Variants in BTNL3 observed in about 807,000 individuals in gnomAD.
BTNL3 encodes butyrophilin like 3, also known as butyrophilin-like protein 3.
BTNL3 carries 20 observed loss-of-function variants against 40.1 expected under a neutral mutation model. The ratio of observed to expected loss-of-function variants is 0.50; its 90% CI spans 0.35 to 0.72. The LOEUF (loss-of-function observed/expected upper bound fraction) is 0.72. Ranked by LOEUF, BTNL3 falls within the 30% of genes least tolerant of loss-of-function variation. The pLI is 0.01. For missense variants in BTNL3, 449 were observed against 582.2 expected, an observed-to-expected ratio of 0.77 and a Z score of 2.35; for synonymous variants, 179 against 222.1, an observed-to-expected ratio of 0.81 and a Z score of 1.73.
At chr5:180,993,306 G>C in intron 2 of BTNL3, 146 bp downstream of exon 2, 1 of 1,236,724 alleles carries the variant, frequency 8.1e-7, no homozygotes, top group South Asian at 1.5e-5. Flanking sequence ...ACTGACCTGA[G>C]GTTTCTGGAG....
rs145703450 is a variant in BTNL3, at chr5:180,995,710, C to G, written c.398-1503C>G. Reference sequence around the variant, plus strand: ...TGGGGCTTATGATCAATTCTTTTGCCAGCACCACTTTGTATATCATGTATT... The same window carrying G: ...TGGGGCTTATGATCAATTCTTTTGCGAGCACCACTTTGTATATCATGTATT... On this transcript the variant is annotated intron_variant, in intron 2 of 7. Coordinates refer to ENST00000342868, the MANE Select transcript of BTNL3 (RefSeq NM_197975.3). 1.4e-3 allele frequency among the ~76,000 whole-genome samples: 192 copies of G among 136,154 alleles called. 46 individuals are homozygous for G. The highest frequency in any genetic ancestry group is 2.6e-3 in the Non-Finnish European group (155 of 59,600). The allele number at this position is 136,154 out of a possible 152,430, so 89.3% of individuals were successfully genotyped here.
At position 181,002,702 on chromosome 5, in the gene BTNL3, T is replaced by A; in HGVS notation, c.704T>A (p.Leu235Gln). 1.4e-6 allele frequency: 2 copies of A among 1,456,028 alleles called. No individual in the cohort carries two copies. Among genetic ancestry groups the A allele is most frequent in the Non-Finnish European group, 1.9e-6 (2 of 1,055,414 alleles). 90.2% of individuals were successfully genotyped at this position (1,456,028 alleles called of 1,614,324 possible). Reference sequence around the variant, plus strand: ...TTTTTCCAGCCCTCACCTTGGCGCCTGGCTTCTATTTTACTCGGGTTACTC... The same window carrying A: ...TTTTTCCAGCCCTCACCTTGGCGCCAGGCTTCTATTTTACTCGGGTTACTC... ...ETFFQPSPWR[L>Q]ASILLGLLCG... is the part of the protein sequence containing the mutation. Residue 235 changes from leucine to glutamine, a missense_variant, in exon 4 of 8, where the codon CTG becomes CAG. Physicochemically the swap from Leu to Gln is moderately radical, Grantham distance 113. This residue lies in a region of BTNL3 where 323 missense variants were observed against 464.9 expected (regional missense o/e 0.69). Transcript: ENST00000342868.
intron 6 of BTNL3, 116 bp from the exon 7 acceptor site, chr5:181,004,620 A>T: frequency 1.2e-6 from 2 of 1,609,544 alleles, no homozygotes; most frequent in Admixed American, 1.7e-5. Flanking sequence ...CCTTCTTCAG[A>T]TCTCTGGAGG....
rs200023935 is a variant in BTNL3, at chr5:181,001,500, TG to T, written c.674-1163del. Among the ~76,000 whole-genome samples the T allele has an allele frequency of 3.8e-3, 444 of 116,396 alleles. 92 individuals carry two copies. Among genetic ancestry groups the T allele is most frequent in the Middle Eastern group, 0.025 (6 of 240 alleles). 76.4% of individuals were successfully genotyped at this position (116,396 alleles called of 152,430 possible). A position where few individuals can be genotyped will look rare whatever the true frequency, so the allele number is the denominator to read the frequency against. ...TTTTAATTTTAAATATTTTTATAGA[TG>T]GGGGGGGGTCTCACTTTGTTGCCTA... On this transcript the variant is annotated intron_variant, in intron 3 of 7. Transcript: ENST00000342868.
Position 180,997,425 on chromosome 5 carries a change from A to C in BTNL3, c.610A>C (p.Ile204Leu). ...TATAGTCCAGGAAAATGCTGGGAGC[A>C]TATTGTGTTCCATCCACCTTGCTGA... ...SIIVQENAGS[I>L]LCSIHLAEQS... Residue 204 changes from isoleucine to leucine, a missense_variant, in exon 3 of 8, where the codon ATA (isoleucine) becomes CTA (leucine). Coordinates refer to ENST00000342868, the MANE Select transcript of BTNL3 (RefSeq NM_197975.3). 1 of 1,463,324 alleles carries C rather than the reference A, an allele frequency of 6.8e-7. No individual in the cohort carries two copies. Among genetic ancestry groups the C allele is most frequent in the Non-Finnish European group, 9.4e-7 (1 of 1,058,870 alleles). The allele number at this position is 1,463,324 out of a possible 1,614,324, so 90.6% of individuals were successfully genotyped here.
rs1760070756 is a variant in BTNL3 at position 180,998,982 on chromosome 5, CCGGGTGTGGTGG to C, written c.673+1501_673+1512del. Among the ~76,000 whole-genome samples, 2 of 135,988 alleles carry C rather than the reference CCGGGTGTGGTGG, an allele frequency of 1.5e-5. 1 individual carries two copies. Among genetic ancestry groups the C allele is most frequent in the Admixed American group, 1.6e-4 (2 of 12,768 alleles). 89.2% of individuals were successfully genotyped at this position (135,988 alleles called of 152,430 possible). On this transcript the variant is annotated intron_variant, in intron 3 of 7. Coordinates refer to ENST00000342868, the MANE Select transcript of BTNL3 (RefSeq NM_197975.3). ...TCTCTACTAAAAATACAAAAATTAGCCGGGTGTGGTGGCGGGTGCCTGTAATCCCAGCTACCT... is the reference window on the plus strand; with the variant it reads ...TCTCTACTAAAAATACAAAAATTAGCCGGGTGCCTGTAATCCCAGCTACCT...
chr5:181,002,791 T>G lies in BTNL3; in HGVS notation c.787+6T>G. On this transcript the variant is annotated splice_donor_region_variant and intron_variant, in intron 4 of 7. Transcript: ENST00000342868. ...TGTTTTCTTCAAATCCAAAGGTAAG[T>G]GAGAGAGAGAAGCATGGGCCCATAC... 6 of 1,447,302 alleles carry G rather than the reference T, an allele frequency of 4.1e-6. 1 individual carries two copies. The South Asian group carries it at 6.7e-5, about 16-fold the overall frequency. 89.7% of individuals were successfully genotyped at this position (1,447,302 alleles called of 1,614,324 possible). A position where few individuals can be genotyped will look rare whatever the true frequency, so the allele number is the denominator to read the frequency against.
chr5:181,005,457 G>A lies in BTNL3; in HGVS notation c.986G>A (p.Ser329Asn), dbSNP rs1384237725. The change falls in exon 8 of 8, where the codon AGT becomes AAT. Residue 329 changes from serine (S) to asparagine (N), a missense_variant. Physicochemically the swap from Ser to Asn is conservative, Grantham distance 46 (BLOSUM62 1). Transcript: ENST00000342868. ...TCTGAGAAGAGATTTACAAGGAAGA[G>A]TGTGGTGGCTTCTCAGGGTTTCCAA... Reference protein sequence around the residue: ...PHSEKRFTRKSVVASQGFQAG... With the variant: ...PHSEKRFTRKNVVASQGFQAG... 24 of 1,614,028 alleles carry A rather than the reference G, an allele frequency of 1.5e-5. No homozygotes were observed. The Admixed American group carries it at 3.7e-4, about 25-fold the overall frequency.
chr5:180,998,157 C>T lies in BTNL3; in HGVS notation c.673+669C>T, dbSNP rs1012040886. On this transcript the variant is annotated intron_variant, in intron 3 of 7. Coordinates refer to ENST00000342868, the MANE Select transcript of BTNL3 (RefSeq NM_197975.3). ...AATTCATAAGAGGAAAAATGTAGCA[C>T]ATATGAGCTATTCATTGAAAATAAA... Among the ~76,000 whole-genome samples, 6 of 136,280 alleles carry T rather than the reference C, an allele frequency of 4.4e-5. 1 individual carries two copies. The highest frequency in any genetic ancestry group is 1.0e-4 in the Non-Finnish European group (6 of 59,814). 89.4% of individuals were successfully genotyped at this position (136,280 alleles called of 152,430 possible). A position where few individuals can be genotyped will look rare whatever the true frequency, so the allele number is the denominator to read the frequency against.
At chr5:181,004,659 C>G (rs1760185951) in intron 6 of BTNL3, 77 bp from the exon 7 acceptor site, 1 of 1,613,364 alleles carries the variant, frequency 6.2e-7, no homozygotes, top group Admixed American at 1.7e-5. Flanking sequence ...GGGTCCCAAT[C>G]CTTGGTCTTT....
Position 180,999,666 on chromosome 5 carries a change from G to A in BTNL3, c.673+2178G>A, listed in dbSNP as rs572861440. Among the ~76,000 whole-genome samples the A allele has an allele frequency of 2.9e-5, 4 of 136,066 alleles. No individual in the cohort carries two copies. The East Asian group carries it at 6.5e-4, about 22-fold the overall frequency. 89.3% of individuals were successfully genotyped at this position (136,066 alleles called of 152,430 possible). ...AATACAAAAATTAGCTGGGCGTGGTGGTGTGTGTCTGTAATCCCAGCTACT... is the reference window on the plus strand; with the variant it reads ...AATACAAAAATTAGCTGGGCGTGGTAGTGTGTGTCTGTAATCCCAGCTACT... On this transcript the variant is annotated intron_variant, in intron 3 of 7. Coordinates refer to ENST00000342868, the MANE Select transcript of BTNL3 (RefSeq NM_197975.3).
At position 180,997,481 on chromosome 5, in the gene BTNL3, G is replaced by A. The variant is rs563357818; in HGVS notation, c.666G>A (p.Leu222=). The A allele has an allele frequency of 2.8e-5, 41 of 1,463,676 alleles. 9 individuals are homozygous for A. The highest frequency in any genetic ancestry group is 1.8e-4 in the Middle Eastern group (1 of 5,678). 90.7% of individuals were successfully genotyped at this position (1,463,676 alleles called of 1,614,324 possible). The part of the protein sequence containing the change: ...EQSHEVESKV[L]IGETFFQPSP... ...GTCATGAGGTGGAATCCAAGGTATT[G>A]ATAGGAGGTGAGTGGGGAGAAGGAG... The change falls in exon 3 of 8, where the codon TTG becomes TTA. Residue 222 remains leucine, a synonymous_variant. Transcript: ENST00000342868.
chr5:180,997,160 C>G lies in BTNL3; in HGVS notation c.398-53C>G, dbSNP rs1760045156. ...GGCTTGATGAACCAGACTCAAAATG[C>G]TGTAAGCTTGAAATTTGGTCTTTGC... is the stretch of plus-strand genomic sequence containing the variant. On this transcript the variant is annotated intron_variant, in intron 2 of 7. Transcript: ENST00000342868. The G allele has an allele frequency of 5.5e-6, 8 of 1,460,060 alleles. No homozygotes were observed. The South Asian group carries it at 9.0e-5, about 16-fold the overall frequency. 90.4% of individuals were successfully genotyped at this position (1,460,060 alleles called of 1,614,324 possible).
In BTNL3 at chr5:181,002,630, C is replaced by A. The variant is rs369915933; in HGVS notation, c.674-42C>A. The stretch of plus-strand genomic sequence containing the variant: ...CTTAAATGGGCGTAAAATTGTCTTA[C>A]CTGCTTAGCTATCACTAAGGGTCTG... On this transcript the variant is annotated intron_variant, in intron 3 of 7. Coordinates refer to ENST00000342868, the MANE Select transcript of BTNL3 (RefSeq NM_197975.3). 2.1e-6 allele frequency: 3 copies of A among 1,430,632 alleles called. 1 individual carries two copies. Among genetic ancestry groups the A allele is most frequent in the African/African-American group, 2.8e-5 (2 of 70,192 alleles). 88.6% of individuals were successfully genotyped at this position (1,430,632 alleles called of 1,614,324 possible).
chr5:180,991,829 C>T (rs1247012920), intron 1 of BTNL3, among the ~76,000 whole-genome samples: 1 of 136,898 alleles, frequency 7.3e-6, no homozygotes, highest in Non-Finnish European at 1.7e-5. Context: ...ACAGGTAAGC[C>T]ATGTTGATAA....
intron 4 of BTNL3, 41 bp downstream of exon 4, chr5:181,002,826 G>C: frequency 7.0e-7 from 1 of 1,431,354 alleles, no homozygotes; most frequent in South Asian, 1.1e-5. Flanking sequence ...CCTTCTTCAT[G>C]GTTCCAGTGG....
chr5:180,996,316 C>T (rs1418970132), intron 2 of BTNL3, among the ~76,000 whole-genome samples: 2 of 136,440 alleles, frequency 1.5e-5, no homozygotes, highest in East Asian at 2.2e-4. Context: ...TCTTTTCTCT[C>T]ACTGGAGTCA....
Position 180,997,298 on chromosome 5 carries a change from C to G in BTNL3, c.483C>G (p.Pro161=). 1 of 1,464,714 alleles carries G rather than the reference C, an allele frequency of 6.8e-7. No homozygotes were observed. Among genetic ancestry groups the G allele is most frequent in the South Asian group, 1.1e-5 (1 of 89,304 alleles). The allele number at this position is 1,464,714 out of a possible 1,614,324, so 90.7% of individuals were successfully genotyped here. A position where few individuals can be genotyped will look rare whatever the true frequency, so the allele number is the denominator to read the frequency against. Residue 161 remains proline (P), a synonymous_variant, in exon 3 of 8, where the codon CCC becomes CCG. Coordinates refer to ENST00000342868, the MANE Select transcript of BTNL3 (RefSeq NM_197975.3). ...TCTGCCTGTCCTCAGGCTGGTTCCCCCAGCCCACAGCCAAGTGGAAAGGTC... is the reference window on the plus strand; with the variant it reads ...TCTGCCTGTCCTCAGGCTGGTTCCCGCAGCCCACAGCCAAGTGGAAAGGTC... ...QLLCLSSGWF[P]QPTAKWKGPQ... is the part of the protein sequence containing the mutation.
rs1027663192 is a variant in BTNL3, at chr5:181,004,897, C to T, written c.862+135C>T. On this transcript the variant is annotated intron_variant, in intron 7 of 7. Coordinates refer to ENST00000342868, the MANE Select transcript of BTNL3 (RefSeq NM_197975.3). ...CCCAGGGTGCAGCTGCCTCTAAATA[C>T]ACTTCTTGGCCCAGGACTTGGAGGG... The T allele has an allele frequency of 5.2e-6, 8 of 1,530,782 alleles. No homozygotes were observed. In the Admixed American group the frequency reaches 5.6e-5, roughly 11 times the overall value. The allele number at this position is 1,530,782 out of a possible 1,614,324, so 94.8% of individuals were successfully genotyped here. A position where few individuals can be genotyped will look rare whatever the true frequency, so the allele number is the denominator to read the frequency against.
Sources: gnomAD v4.1 joint callset for allele counts (sites outside exome capture counted in the v4.1 genomes callset) on GRCh38, gnomAD v4.1.1 for gene constraint, gnomAD v4.1.1 regional missense constraint, MANE v1.5 for transcripts, NCBI Gene and HGNC (gene_info 2026-07-23, HGNC 2026-07-21) for gene names.